Variants in ASB4 observed in about 807,000 individuals in gnomAD.
ASB4 encodes the protein ankyrin repeat and SOCS box containing 4, also known as ankyrin repeat and SOCS box protein 4.
Under a neutral mutation model 38.6 loss-of-function variants are expected in ASB4, and 35 were observed. That is an observed-to-expected ratio of 0.91 (90% CI 0.69 to 1.20). The LOEUF is 1.20. Ranked by LOEUF, ASB4 falls within the 50% of genes most tolerant of loss-of-function variation. The pLI, the probability that ASB4 is intolerant of heterozygous loss-of-function variation, is 0.00. For missense variants in ASB4, 557 were observed against 527.2 expected (o/e 1.06, Z -0.55); for synonymous variants, 195 against 201.3 (o/e 0.97, Z 0.26).
intron 2 of ASB4, among the ~76,000 whole-genome samples, chr7:95,499,161 T>C (rs1463891068): frequency 1.3e-5 from 2 of 152,196 alleles, no homozygotes; most frequent in Non-Finnish European, 2.9e-5. Context: ...GGATGCACTT[T>C]ATATAAAAGT....
chr7:95,500,204 G>A (rs913546826), intron 2 of ASB4, among the ~76,000 whole-genome samples: 1 of 151,974 alleles, frequency 6.6e-6, no homozygotes, highest in South Asian at 2.1e-4. Flanking sequence ...AGGAATGGGA[G>A]GTTCGGGAGA....
rs191081700 is a variant in ASB4 at position 95,535,392 on chromosome 7, G to A, written c.979-1045G>A. Among the ~76,000 whole-genome samples the A allele has an allele frequency of 2.0e-5, 3 of 152,310 alleles. No individual in the cohort carries two copies. In the East Asian group the frequency reaches 5.8e-4, roughly 29 times the overall value. On this transcript the variant is annotated intron_variant, in intron 3 of 4. Transcript: ENST00000325885. ...CCTCACCTAACACCAAGTGAAAGGGGCTTTAGGAGGACCCCCTCAGAAAGG... is the reference window on the plus strand; with the variant it reads ...CCTCACCTAACACCAAGTGAAAGGGACTTTAGGAGGACCCCCTCAGAAAGG...
At position 95,489,305 on chromosome 7, in the gene ASB4, A is replaced by G. The variant is rs1220325643; in HGVS notation, c.187+3147A>G. Among the ~76,000 whole-genome samples, 3 of 152,188 alleles carry G rather than the reference A, an allele frequency of 2.0e-5. No homozygotes were observed. In the East Asian group the frequency reaches 5.8e-4, roughly 29 times the overall value. ...CTATTGGATTACAAATAAGTCTGGA[A>G]GCTCATTTCTGCTTTCCTCTGTAGC... On this transcript the variant is annotated intron_variant, in intron 1 of 4. Coordinates refer to ENST00000325885, the MANE Select transcript of ASB4 (RefSeq NM_016116.3).
intron 3 of ASB4, 83 bp from the exon 4 acceptor site, chr7:95,536,354 G>A (rs1790889006): frequency 2.3e-6 from 2 of 859,242 alleles, no homozygotes; most frequent in Non-Finnish European, 3.7e-6. Context: ...CCACTGGTCT[G>A]TGAATTCTTG....
At chr7:95,545,757 G>A in the ASB4 span, among the ~76,000 whole-genome samples, 5 of 152,176 alleles carry the variant, frequency 3.3e-5, no homozygotes, top group Non-Finnish European at 7.3e-5. Context: ...TAGATTGCAG[G>A]TGAGAGATCA....
At chr7:95,516,137 C>T (rs1363701439) in intron 2 of ASB4, among the ~76,000 whole-genome samples, 1 of 152,194 alleles carries the variant, frequency 6.6e-6, no homozygotes, top group Non-Finnish European at 1.5e-5. Flanking sequence ...AAAAATCAGT[C>T]TTCCTCAGGG....
chr7:95,541,486 A>G (rs1270418679), downstream of ASB4, among the ~76,000 whole-genome samples: 1 of 152,132 alleles, frequency 6.6e-6, no homozygotes, highest in Non-Finnish European at 1.5e-5. Flanking sequence ...CTGTTGGGTG[A>G]GCTTGTACTG....
intron 1 of ASB4, among the ~76,000 whole-genome samples, chr7:95,489,120 T>C (rs1434542628): frequency 2.0e-5 from 3 of 152,226 alleles, no homozygotes; most frequent in African/African-American, 7.2e-5. Flanking sequence ...AGTCAGTGTA[T>C]AATTTTTGAA....
chr7:95,476,683 T>G (rs1170110586), upstream of ASB4, among the ~76,000 whole-genome samples: 2 of 152,190 alleles, frequency 1.3e-5, no homozygotes, highest in Non-Finnish European at 2.9e-5. Flanking sequence ...CACACTCTGG[T>G]CTTATAGGGA....
chr7:95,546,803 T>C, the ASB4 span, among the ~76,000 whole-genome samples: 36 of 152,208 alleles, frequency 2.4e-4, no homozygotes, highest in Non-Finnish European at 8.8e-5. Context: ...GATTTCACTT[T>C]TGGTTTTCTT....
In ASB4 at chr7:95,502,391, C is replaced by CT. The variant is rs1562813335; in HGVS notation, c.487+6334_487+6335insT. Among the ~76,000 whole-genome samples, 31 of 66,640 alleles carry CT rather than the reference C, an allele frequency of 4.7e-4. No individual in the cohort carries two copies. The South Asian group carries it at 6.7e-3, about 14-fold the overall frequency. 43.7% of individuals were successfully genotyped at this position (66,640 alleles called of 152,430 possible). On this transcript the variant is annotated intron_variant, in intron 2 of 4. Coordinates refer to ENST00000325885, the MANE Select transcript of ASB4 (RefSeq NM_016116.3). ...TAGAATGTAAATAGGTACCAGCCTG[C>CT]GGGGGGGGGGCAAATTGATAACACA...
At chr7:95,492,649 T>G (rs1790188982) in intron 1 of ASB4, among the ~76,000 whole-genome samples, 2 of 152,236 alleles carry the variant, frequency 1.3e-5, no homozygotes, top group African/African-American at 4.8e-5. Context: ...TCTCTGCTGC[T>G]TCCTTTCTGG....
intron 2 of ASB4, among the ~76,000 whole-genome samples, chr7:95,503,055 C>A (rs947293173): frequency 6.6e-6 from 1 of 152,132 alleles, no homozygotes; most frequent in African/African-American, 2.4e-5. Flanking sequence ...ATGTATTTTT[C>A]TGAAAATTAT....
At chr7:95,515,316 T>TTCCTTCCTTCCTTC (rs1562817356) in intron 2 of ASB4, among the ~76,000 whole-genome samples, 2 of 95,772 alleles carry the variant, frequency 2.1e-5, no homozygotes, top group South Asian at 4.1e-4. Context: ...TTTCTTTCTT[T>TTCCTTCCTTCCTTC]CTTCCTTCCT....
Position 95,486,036 on chromosome 7 carries a change from T to G in ASB4, c.65T>G (p.Leu22Arg), listed in dbSNP as rs1412028148. The change falls in exon 1 of 5, where the codon CTT becomes CGT. Residue 22 changes from leucine (L) to arginine (R), a missense_variant. Physicochemically the swap from Leu to Arg is moderately radical, Grantham distance 102. Transcript: ENST00000325885. The stretch of plus-strand genomic sequence containing the variant: ...GCCAAGTTAGTTAAGAGAAATTTCC[T>G]TGAGGCGCTAAAGTCCAATGACTTC... ...GAAKLVKRNF[L>R]EALKSNDFGK... The G allele has an allele frequency of 6.2e-7, 1 of 1,614,044 alleles. No homozygotes were observed. The highest frequency in any genetic ancestry group is 1.3e-5 in the African/African-American group (1 of 74,936).
chr7:95,545,313 C>T, the ASB4 span, among the ~76,000 whole-genome samples: 23 of 152,246 alleles, frequency 1.5e-4, no homozygotes, highest in African/African-American at 5.3e-4. Context: ...TTTCTTTAAT[C>T]TCCTGGTTAC....
chr7:95,475,479 G>A (rs181875826), upstream of ASB4, among the ~76,000 whole-genome samples: 371 of 152,190 alleles, frequency 2.4e-3, 1 homozygote, highest in South Asian at 7.5e-3. Context: ...CACTTCCCAG[G>A]TTCAAGCAAT....
upstream of ASB4, chr7:95,473,587 A>G (rs1789945341): frequency 1.3e-5 from 2 of 152,026 alleles, no homozygotes; most frequent in Admixed American, 6.5e-5. Context: ...GCAACCTGAA[A>G]GAGCCTATAG....
chr7:95,517,861 G>A (rs959839413), intron 2 of ASB4, among the ~76,000 whole-genome samples: 10 of 152,082 alleles, frequency 6.6e-5, no homozygotes, highest in African/African-American at 2.4e-4. Context: ...AGAAATTGGA[G>A]GTTAGCTAAA....
Sources: allele counts gnomAD v4.1 joint callset (sites outside exome capture counted in the v4.1 genomes callset), GRCh38; gene constraint gnomAD v4.1.1; transcripts MANE v1.5; gene names NCBI Gene and HGNC (gene_info 2026-07-23, HGNC 2026-07-21).